ARK2C: variants seen among roughly 807,000 people sequenced by gnomAD.
ARK2C encodes the protein arkadia (RNF111) C-terminal like ring finger ubiquitin ligase 2C, also known as E3 ubiquitin-protein ligase ARK2C.
chr18:46,402,414 AT>A, the ARK2C span, among the ~76,000 whole-genome samples: 1 of 152,260 alleles, frequency 6.6e-6, no homozygotes, highest in East Asian at 1.9e-4. Context: ...AAATGAACAT[AT>A]TTTTGATGTA....
chr18:46,363,864 C>A, the ARK2C span, among the ~76,000 whole-genome samples: 1 of 151,982 alleles, frequency 6.6e-6, no homozygotes, highest in Non-Finnish European at 1.5e-5. Context: ...TCCAGGGTCA[C>A]CTTTCAGTGG....
chr18:46,407,320 C>T, the ARK2C span, among the ~76,000 whole-genome samples: 4 of 152,176 alleles, frequency 2.6e-5, no homozygotes, highest in African/African-American at 9.7e-5. Context: ...CCTAACCAGT[C>T]TCCTGACACC....
the ARK2C span, among the ~76,000 whole-genome samples, chr18:46,410,421 G>C: frequency 6.6e-6 from 1 of 152,230 alleles, no homozygotes; most frequent in African/African-American, 2.4e-5. Flanking sequence ...GGAGGAGGAG[G>C]CAGCCAGCCA....
At chr18:46,437,736 G>T in the ARK2C span, among the ~76,000 whole-genome samples, 1 of 152,254 alleles carries the variant, frequency 6.6e-6, no homozygotes, top group African/African-American at 2.4e-5. Flanking sequence ...ACCTTAAGCC[G>T]CAACCCAGGG....
the ARK2C span, among the ~76,000 whole-genome samples, chr18:46,429,245 A>G: frequency 6.6e-6 from 1 of 152,178 alleles, no homozygotes; most frequent in Non-Finnish European, 1.5e-5. Flanking sequence ...CTTTTTGCAA[A>G]GATTTATTTT....
At chr18:46,413,798 A>G in the ARK2C span, among the ~76,000 whole-genome samples, 8 of 152,208 alleles carry the variant, frequency 5.3e-5, no homozygotes, top group Non-Finnish European at 1.2e-4. Context: ...CCTATGGTGC[A>G]AAAGGATGTA....
the ARK2C span, among the ~76,000 whole-genome samples, chr18:46,394,760 T>G: frequency 6.6e-6 from 1 of 152,242 alleles, no homozygotes; most frequent in Non-Finnish European, 1.5e-5. Context: ...CAAGGACGAC[T>G]GTGGATCCTG....
At chr18:46,457,739 A>T in the ARK2C span, 1 of 152,698 alleles carries the variant, frequency 6.5e-6, no homozygotes, top group Non-Finnish European at 1.5e-5. Context: ...AATTAACCAG[A>T]TGATGCAGAT....
the ARK2C span, among the ~76,000 whole-genome samples, chr18:46,382,612 A>G: frequency 6.6e-6 from 1 of 152,142 alleles, no homozygotes; most frequent in Non-Finnish European, 1.5e-5. Flanking sequence ...GCCTTGCATG[A>G]CTTAAGTTTC....
At chr18:46,417,337 T>C in the ARK2C span, among the ~76,000 whole-genome samples, 6 of 152,344 alleles carry the variant, frequency 3.9e-5, no homozygotes, top group East Asian at 1.2e-3. Flanking sequence ...CATCCTGTAA[T>C]GACCAGTGAG....
chr18:46,385,157 T>C, the ARK2C span, among the ~76,000 whole-genome samples: 1 of 152,218 alleles, frequency 6.6e-6, no homozygotes, highest in Non-Finnish European at 1.5e-5. Flanking sequence ...AGCTCTTGTC[T>C]GTTGGGTTAG....
At chr18:46,396,587 C>T in the ARK2C span, among the ~76,000 whole-genome samples, 1,482 of 152,310 alleles carry the variant, frequency 9.7e-3, 6 homozygotes, top group Non-Finnish European at 0.016. Context: ...TTTTCTTGAA[C>T]TCAATTCAGT....
the ARK2C span, among the ~76,000 whole-genome samples, chr18:46,347,634 C>T: frequency 1.3e-5 from 2 of 152,116 alleles, no homozygotes; most frequent in African/African-American, 4.8e-5. Flanking sequence ...GTAATGTACC[C>T]ACCGTGAGTG....
chr18:46,412,106 G>T, the ARK2C span, among the ~76,000 whole-genome samples: 2 of 151,468 alleles, frequency 1.3e-5, no homozygotes, highest in Non-Finnish European at 3.0e-5. Flanking sequence ...GGGAGACAAC[G>T]GCTCATCTCA....
the ARK2C span, among the ~76,000 whole-genome samples, chr18:46,400,528 T>C: frequency 6.6e-6 from 1 of 152,114 alleles, no homozygotes. Flanking sequence ...GCCACCATCC[T>C]GTGTTAAGTG....
At chr18:46,362,398 A>C in the ARK2C span, among the ~76,000 whole-genome samples, 1 of 152,150 alleles carries the variant, frequency 6.6e-6, no homozygotes, top group Non-Finnish European at 1.5e-5. Context: ...TGCCTGCTTT[A>C]CCCCAGTGGT....
the ARK2C span, among the ~76,000 whole-genome samples, chr18:46,372,508 T>G: frequency 6.6e-6 from 1 of 152,174 alleles, no homozygotes; most frequent in Non-Finnish European, 1.5e-5. Flanking sequence ...GCCACCTTAG[T>G]AAGCCCCCTT....
At chr18:46,376,664 CTTTTTTTT>C in the ARK2C span, among the ~76,000 whole-genome samples, 29 of 72,260 alleles carry the variant, frequency 4.0e-4, no homozygotes, top group African/African-American at 1.4e-3. Flanking sequence ...GGTTAATAAT[CTTTTTTTT>C]TTTTTTTTTT....
At chr18:46,452,275 G>A in the ARK2C span, among the ~76,000 whole-genome samples, 1 of 152,104 alleles carries the variant, frequency 6.6e-6, no homozygotes, top group Non-Finnish European at 1.5e-5. Flanking sequence ...TGTACTTTTT[G>A]CTTATTATTG....
Sources: gnomAD v4.1 joint callset for allele counts (sites outside exome capture counted in the v4.1 genomes callset) on GRCh38, gnomAD v4.1.1 for gene constraint, MANE v1.5 for transcripts, NCBI Gene and HGNC (gene_info 2026-07-23, HGNC 2026-07-21) for gene names.